Variants in PIK3CD observed in about 807,000 individuals in gnomAD.
PIK3CD encodes the protein phosphatidylinositol-4,5-bisphosphate 3-kinase catalytic subunit delta.
Under a neutral mutation model 122.9 loss-of-function variants are expected in PIK3CD, and 20 were observed. That is an observed-to-expected ratio of 0.16 (90% CI 0.11 to 0.24). The LOEUF (loss-of-function observed/expected upper bound fraction) is 0.24, where lower values mean the gene tolerates loss of function less well. Ranked by LOEUF, PIK3CD falls within the 10% of genes least tolerant of loss-of-function variation. The pLI is 1.00. For missense variants in PIK3CD, 787 were observed against 1,406.3 expected, an observed-to-expected ratio of 0.56 and a Z score of 7.04; for synonymous variants, 596 against 593.4, an observed-to-expected ratio of 1.00 and a Z score of -0.06.
At chr1:9,685,550 G>T (rs1291726349) in intron 1 of PIK3CD, among the ~76,000 whole-genome samples, 3 of 151,968 alleles carry the variant, frequency 2.0e-5, no homozygotes, top group Non-Finnish European at 2.9e-5. Context: ...GTAGAGATGG[G>T]GTTTCACCAT....
At chr1:9,685,250 C>A (rs1557621856) in intron 1 of PIK3CD, among the ~76,000 whole-genome samples, 1 of 151,948 alleles carries the variant, frequency 6.6e-6, no homozygotes, top group Non-Finnish European at 1.5e-5. Context: ...TTTTTTGGAG[C>A]CCTCCTGTTT....
chr1:9,726,808 T>A, intron 23 of PIK3CD, 101 bp from the exon 24 acceptor site: 1 of 1,450,712 alleles, frequency 6.9e-7, no homozygotes. Context: ...AGCTCTCTAC[T>A]AACCATTTCA....
At chr1:9,694,982 G>GAGAGAGAGAC (rs1394058143) in intron 2 of PIK3CD, among the ~76,000 whole-genome samples, 5 of 151,818 alleles carry the variant, frequency 3.3e-5, no homozygotes, top group Admixed American at 2.0e-4. Context: ...AAGAGAGAGA[G>GAGAGAGAGAC]AGAGAGAGAC....
chr1:9,705,323 C>CAA (rs563873650), intron 2 of PIK3CD, among the ~76,000 whole-genome samples: 1,327 of 57,552 alleles, frequency 0.023, 21 homozygotes, highest in African/African-American at 0.075. Context: ...TTAAAAATAC[C>CAA]AAAAAAAAAA....
At chr1:9,711,810 A>G (rs1305788634) in intron 3 of PIK3CD, among the ~76,000 whole-genome samples, 1 of 151,988 alleles carries the variant, frequency 6.6e-6, no homozygotes, top group African/African-American at 2.4e-5. Context: ...TGTGCCTTTC[A>G]TTTTTGAAAC....
At chr1:9,646,355 A>G in the PIK3CD span, among the ~76,000 whole-genome samples, 1 of 152,214 alleles carries the variant, frequency 6.6e-6, no homozygotes, top group Non-Finnish European at 1.5e-5. Context: ...GTGAAAACCA[A>G]GCAAGTTTAT....
intron 1 of PIK3CD, among the ~76,000 whole-genome samples, chr1:9,673,908 A>G (rs60837317): frequency 0.044 from 6,656 of 152,256 alleles, 444 homozygotes; most frequent in African/African-American, 0.15. Flanking sequence ...ATATGATTAC[A>G]CAGGTAAACA....
intron 14 of PIK3CD, 43 bp from the exon 15 acceptor site, chr1:9,721,401 T>C: frequency 6.2e-7 from 1 of 1,611,534 alleles, no homozygotes; most frequent in South Asian, 1.1e-5. Flanking sequence ...CCTCCTGTCC[T>C]GAGTCGGGGA....
chr1:9,631,509 A>T, the PIK3CD span, among the ~76,000 whole-genome samples: 3 of 152,220 alleles, frequency 2.0e-5, no homozygotes, highest in Non-Finnish European at 4.4e-5. Context: ...ACAAAAAATT[A>T]TCTGGGCATG....
intron 1 of PIK3CD, chr1:9,687,339 T>C (rs1233827235): frequency 2.6e-5 from 4 of 152,134 alleles, no homozygotes; most frequent in Non-Finnish European, 5.9e-5. Flanking sequence ...ACTTACCAGG[T>C]TGGGGGGCTC....
chr1:9,720,912 G>GA lies in PIK3CD; in HGVS notation c.1689+3_1689+4insA. On this transcript the variant is annotated splice_donor_region_variant and intron_variant, in intron 13 of 23. Transcript: ENST00000377346. This position sits in a 1 kb window ranked among gnomAD's most constrained non-coding sequence, Gnocchi z 9.0. ...ACAAGCATGAGGATGTGGCCCAGGT[G>GA]GGTGGGGAGGCGCACCTGGGGGCGG... The GA allele has an allele frequency of 6.3e-7, 1 of 1,583,526 alleles. No individual in the cohort carries two copies. Among genetic ancestry groups the GA allele is most frequent in the East Asian group, 2.3e-5 (1 of 43,248 alleles).
chr1:9,629,411 C>T, the PIK3CD span, among the ~76,000 whole-genome samples: 7 of 151,946 alleles, frequency 4.6e-5, no homozygotes, highest in South Asian at 4.2e-4. Flanking sequence ...TACCACCAGC[C>T]GAGAATGAGG....
chr1:9,728,140 G>A lies in PIK3CD; in HGVS notation c.*1094G>A, dbSNP rs1649968328. 3 of 152,478 alleles carry A rather than the reference G, an allele frequency of 2.0e-5. No individual in the cohort carries two copies. In the South Asian group the frequency reaches 6.2e-4, roughly 32 times the overall value. 9.4% of individuals were successfully genotyped at this position (152,478 alleles called of 1,614,324 possible). A position where few individuals can be genotyped will look rare whatever the true frequency, so the allele number is the denominator to read the frequency against. ...TTGTCTAAGCCACCTCTGAAAGCAG[G>A]TTTTAACAAAAGGATGAGGCCAGAA... On this transcript the variant is annotated 3_prime_UTR_variant, in exon 24 of 24. Transcript: ENST00000377346.
intron 1 of PIK3CD, among the ~76,000 whole-genome samples, chr1:9,657,759 T>C (rs1644900902): frequency 6.6e-6 from 1 of 152,142 alleles, no homozygotes; most frequent in African/African-American, 2.4e-5. Flanking sequence ...TTTTGAAATT[T>C]CATCTGTTGG....
intron 2 of PIK3CD, among the ~76,000 whole-genome samples, chr1:9,706,855 G>T (rs1570319636): frequency 7.2e-6 from 1 of 139,838 alleles, no homozygotes; most frequent in African/African-American, 2.7e-5. Flanking sequence ...TTGCTGTATT[G>T]CCAAGCTGGT....
rs1386336972 is a variant in PIK3CD at position 9,691,453 on chromosome 1, C to A, written c.-137-14C>A. The A allele has an allele frequency of 2.5e-6, 1 of 398,372 alleles. No homozygotes were observed. The highest frequency in any genetic ancestry group is 4.4e-6 in the Non-Finnish European group (1 of 225,954). 24.7% of individuals were successfully genotyped at this position (398,372 alleles called of 1,614,324 possible). A position where few individuals can be genotyped will look rare whatever the true frequency, so the allele number is the denominator to read the frequency against. ...AATAGTTTTCTTTCTTTCTTTCTTT[C>A]TTTTCCCCAACAGATAAGGAGTCAG... On this transcript the variant is annotated splice_polypyrimidine_tract_variant and intron_variant, in intron 1 of 23. Transcript: ENST00000377346.
chr1:9,631,833 C>G, the PIK3CD span, among the ~76,000 whole-genome samples: 1 of 152,156 alleles, frequency 6.6e-6, no homozygotes, highest in African/African-American at 2.4e-5. Flanking sequence ...CCTCGTCCTG[C>G]CACACCTCAA....
chr1:9,645,330 A>T, the PIK3CD span, among the ~76,000 whole-genome samples: 1 of 151,734 alleles, frequency 6.6e-6, no homozygotes, highest in South Asian at 2.1e-4. Context: ...TTGAATGTTA[A>T]ATTTAGCTTA....
the PIK3CD span, among the ~76,000 whole-genome samples, chr1:9,642,443 C>T: frequency 7.3e-5 from 11 of 150,160 alleles, no homozygotes; most frequent in African/African-American, 1.5e-4. Context: ...CTTGGCCGGG[C>T]GCCATGGCTC....
Sources: allele counts gnomAD v4.1 joint callset (sites outside exome capture counted in the v4.1 genomes callset), GRCh38; gene constraint gnomAD v4.1.1; non-coding constraint Gnocchi (gnomAD v3.1); transcripts MANE v1.5; gene names NCBI Gene and HGNC (gene_info 2026-07-23, HGNC 2026-07-21).